The following CISTR variants were observed in gnomAD, a reference collection of about 807,000 sequenced individuals.
CISTR encodes chondrogenesis-associated transcript.
At chr12:53,750,267 A>G (rs114295824) in intron 2 of CISTR, among the ~76,000 whole-genome samples, 2,219 of 152,228 alleles carry the variant, frequency 0.015, 63 homozygotes, top group African/African-American at 0.051. Context: ...GAGGTGTGCA[A>G]AGAGAAACCC....
In CISTR at chr12:53,756,252, T is replaced by C. The variant is rs1937913304; in HGVS notation, n.414+562A>G. 6.6e-6 allele frequency among the ~76,000 whole-genome samples: 1 copy of C among 152,142 alleles called. No individual in the cohort carries two copies. Among genetic ancestry groups the C allele is most frequent in the Non-Finnish European group, 1.5e-5 (1 of 68,022 alleles). ...CTTTTCTGGCTCTCGAGGTAAGTTC[T>C]TTGGGGATGAAGCACCTGATAAATG... On this transcript the variant is annotated intron_variant and non_coding_transcript_variant, in intron 1 of 2. Transcript: ENST00000669269. The surrounding 1 kb of genome is among the most constrained non-coding windows in gnomAD (Gnocchi z 4.0).
chr12:53,750,385 G>A (rs1055549940), exon 2 of CISTR: 2 of 152,400 alleles, frequency 1.3e-5, no homozygotes, highest in African/African-American at 4.8e-5. Context: ...TGCTAGCCTG[G>A]AGCAACGAGC....
At chr12:53,749,235 G>A (rs1827221691) in intron 2 of CISTR, among the ~76,000 whole-genome samples, 1 of 151,852 alleles carries the variant, frequency 6.6e-6, no homozygotes. Context: ...AGAGAAATTG[G>A]CAGAGGACAG....
At chr12:53,750,991 G>A (rs1252424038) in intron 1 of CISTR, 1 of 152,462 alleles carries the variant, frequency 6.6e-6, no homozygotes, top group Admixed American at 6.5e-5. Context: ...CAAGAACATT[G>A]TAAGCCCCGC....
chr12:53,753,052 T>TCA (rs760615546), intron 1 of CISTR, among the ~76,000 whole-genome samples: 23,076 of 120,882 alleles, frequency 0.19, 1,878 homozygotes, highest in South Asian at 0.2. Context: ...CATCTATACA[T>TCA]CACACACACA....
Position 53,756,141 on chromosome 12 carries a change from C to G in CISTR, n.414+673G>C, listed in dbSNP as rs1937912259. 6.6e-6 allele frequency among the ~76,000 whole-genome samples: 1 copy of G among 152,044 alleles called. No individual in the cohort carries two copies. On this transcript the variant is annotated intron_variant and non_coding_transcript_variant, in intron 1 of 2. Coordinates refer to ENST00000669269, the Ensembl canonical transcript of CISTR. This position sits in a 1 kb window ranked among gnomAD's most constrained non-coding sequence, Gnocchi z 4.0. ...GCTGGGGGTTGTGGAGAGCAATAAG[C>G]AAGGTGGGTGGCAAGGGCCAGAAGG...
chr12:53,753,168 G>A (rs1164352044), intron 1 of CISTR, among the ~76,000 whole-genome samples: 1 of 151,986 alleles, frequency 6.6e-6, no homozygotes, highest in African/African-American at 2.4e-5. Context: ...CTCTGCTTCA[G>A]TTTCTTTCCC....
At chr12:53,752,215 G>T (rs889082570) in intron 1 of CISTR, among the ~76,000 whole-genome samples, 1 of 152,200 alleles carries the variant, frequency 6.6e-6, no homozygotes, top group African/African-American at 2.4e-5. Context: ...CTTTCTGCCT[G>T]GGTTCTTCCT....
At chr12:53,753,876 A>G (rs1181435826) in intron 1 of CISTR, among the ~76,000 whole-genome samples, 1 of 152,150 alleles carries the variant, frequency 6.6e-6, no homozygotes, top group African/African-American at 2.4e-5. Flanking sequence ...ACAGCAATGT[A>G]AAATGTCCTG....
At chr12:53,753,668 GTGTGT>G (rs1937883397) in intron 1 of CISTR, among the ~76,000 whole-genome samples, 3 of 36,534 alleles carry the variant, frequency 8.2e-5, no homozygotes, top group East Asian at 5.7e-4. Context: ...GCATAGGGGT[GTGTGT>G]GTGTGTGTGT....
At chr12:53,753,665 G>GATGT (rs1555168386) in intron 1 of CISTR, among the ~76,000 whole-genome samples, 3 of 141,224 alleles carry the variant, frequency 2.1e-5, no homozygotes, top group African/African-American at 8.0e-5. Context: ...AATGCATAGG[G>GATGT]GTGTGTGTGT....
exon 2 of CISTR, chr12:53,750,687 G>T (rs1446349947): frequency 1.3e-5 from 2 of 153,114 alleles, no homozygotes; most frequent in African/African-American, 4.8e-5. Context: ...CTGGCATGTG[G>T]CTATGCCTGA....
chr12:53,749,122 G>A (rs1937816276), intron 2 of CISTR, among the ~76,000 whole-genome samples: 1 of 151,934 alleles, frequency 6.6e-6, no homozygotes, highest in Admixed American at 6.6e-5. Flanking sequence ...GTAGGGGAGA[G>A]AACAGAAGAA....
chr12:53,750,524 A>AGT (rs139916241), exon 2 of CISTR: 1,807 of 151,836 alleles, frequency 0.012, 18 homozygotes, highest in Middle Eastern at 0.041. Context: ...AGAGTGTGTG[A>AGT]GTGTGTGTGT....
At position 53,751,988 on chromosome 12, in the gene CISTR, C is replaced by A. The variant is rs1030361270; in HGVS notation, n.415-1023G>T. On this transcript the variant is annotated intron_variant and non_coding_transcript_variant, in intron 1 of 2. Transcript: ENST00000669269. This position sits in a 1 kb window ranked among gnomAD's most constrained non-coding sequence, Gnocchi z 4.6. Reference sequence around the variant, plus strand: ...TCTTCCACAGGGTCTCTCCCTCCCCCTCTCCCCGTGGTTGTCAGACTTTCT... The same window carrying A: ...TCTTCCACAGGGTCTCTCCCTCCCCATCTCCCCGTGGTTGTCAGACTTTCT... Among the ~76,000 whole-genome samples the A allele has an allele frequency of 6.6e-6, 1 of 152,108 alleles. No homozygotes were observed. Among genetic ancestry groups the A allele is most frequent in the Non-Finnish European group, 1.5e-5 (1 of 68,020 alleles).
At chr12:53,755,628 ATTAACCTC>A (rs1937906176) in intron 1 of CISTR, among the ~76,000 whole-genome samples, 1 of 152,220 alleles carries the variant, frequency 6.6e-6, no homozygotes, top group Admixed American at 6.5e-5. Context: ...TCTGAACTTT[ATTAACCTC>A]TTAAGTGTCC....
chr12:53,753,702 G>GTATA (rs1555168385), intron 1 of CISTR, among the ~76,000 whole-genome samples: 1 of 122,200 alleles, frequency 8.2e-6, no homozygotes, highest in Non-Finnish European at 1.8e-5. Context: ...GTGTGTGTGT[G>GTATA]TATGTGTGTG....
chr12:53,750,438 T>C (rs1258968378), exon 2 of CISTR: 1 of 152,490 alleles, frequency 6.6e-6, no homozygotes, highest in East Asian at 1.9e-4. Context: ...AGGGGGCAGG[T>C]TTTGAAGTCA....
intron 1 of CISTR, among the ~76,000 whole-genome samples, chr12:53,753,909 C>T (rs1196003165): frequency 1.3e-5 from 2 of 152,138 alleles, no homozygotes; most frequent in Non-Finnish European, 2.9e-5. Flanking sequence ...TACCGTGACC[C>T]TGGGCTGGGT....
Sources: gnomAD v4.1 joint callset for allele counts (sites outside exome capture counted in the v4.1 genomes callset) on GRCh38, gnomAD v4.1.1 for gene constraint, Gnocchi (gnomAD v3.1) non-coding constraint, MANE v1.5 for transcripts, NCBI Gene and HGNC (gene_info 2026-07-23, HGNC 2026-07-21) for gene names.